POLR2F: variants seen among roughly 807,000 people sequenced by gnomAD.
POLR2F encodes the protein RNA polymerase II, I and III subunit F, also known as DNA-directed RNA polymerases I, II, and III subunit RPABC2.
POLR2F carries 12 observed loss-of-function variants against 22.7 expected under a neutral mutation model. The ratio of observed to expected loss-of-function variants is 0.53; its 90% CI spans 0.34 to 0.86. POLR2F has a LOEUF of 0.86. Among genes scored for constraint, POLR2F ranks in the 40% least tolerant of loss-of-function variants. The pLI is 0.02. For missense variants in POLR2F, 126 were observed against 171.5 expected, an observed-to-expected ratio of 0.73 and a Z score of 1.48; for synonymous variants, 57 against 66.0, an observed-to-expected ratio of 0.86 and a Z score of 0.66.
At chr22:37,972,308 C>T (rs1168226001), downstream of POLR2F, 3 of 1,194,796 alleles carry the variant, frequency 2.5e-6, no homozygotes, top group Non-Finnish European at 3.4e-6. Context: ...GCTCACCAAG[C>T]AGGTAACCGG....
chr22:38,000,112 C>T (rs1198407552), intron 1 of POLR2F, among the ~76,000 whole-genome samples: 2 of 152,226 alleles, frequency 1.3e-5, no homozygotes, highest in African/African-American at 2.4e-5. Flanking sequence ...CCTGCTGGTC[C>T]TGCCGGAACA....
chr22:37,971,713 A>G (rs1211168715), downstream of POLR2F, among the ~76,000 whole-genome samples: 1 of 152,070 alleles, frequency 6.6e-6, no homozygotes, highest in Non-Finnish European at 1.5e-5. Context: ...CTATCCACAC[A>G]TCCTGAAGGA....
At position 38,016,984 on chromosome 22, in the gene POLR2F, G is replaced by A. The variant is rs1362113639; in HGVS notation, c.121-8885G>A. 2.6e-5 allele frequency among the ~76,000 whole-genome samples: 4 copies of A among 152,146 alleles called. No individual in the cohort carries two copies. Among genetic ancestry groups the A allele is most frequent in the African/African-American group, 9.7e-5 (4 of 41,428 alleles). On this transcript the variant is annotated intron_variant, in intron 1 of 2. Transcript: ENST00000333418. The surrounding 1 kb of genome is among the most constrained non-coding windows in gnomAD (Gnocchi z 4.4). ...ATGGAGCCAGGCCGGGGTGCCGGGGGGCAGCGCAAGGGGCCAGCCAGCCCC... is the reference window on the plus strand; with the variant it reads ...ATGGAGCCAGGCCGGGGTGCCGGGGAGCAGCGCAAGGGGCCAGCCAGCCCC...
chr22:38,015,907 C>T (rs911816409), intron 1 of POLR2F, among the ~76,000 whole-genome samples: 6 of 152,192 alleles, frequency 3.9e-5, no homozygotes, highest in Middle Eastern at 3.4e-3. Context: ...TCATAAGTGG[C>T]GGTGGGGGTG....
intron 5 of POLR2F, among the ~76,000 whole-genome samples, chr22:38,038,293 G>A (rs556017672): frequency 6.6e-6 from 1 of 152,328 alleles, no homozygotes; most frequent in South Asian, 2.1e-4. Context: ...GCCAGAGGAT[G>A]TGAGGATTCA....
chr22:37,964,110 TAAA>T (rs112506177), intron 3 of POLR2F, among the ~76,000 whole-genome samples: 6 of 140,144 alleles, frequency 4.3e-5, no homozygotes, highest in African/African-American at 1.6e-4. Flanking sequence ...CAAAAATAAT[TAAA>T]AAAAAAAAAA....
At chr22:37,970,439 TA>T (rs139882), downstream of POLR2F, among the ~76,000 whole-genome samples, 166 of 128,880 alleles carry the variant, frequency 1.3e-3, 1 homozygote, top group Middle Eastern at 4.1e-3. Flanking sequence ...TGTCTCTACT[TA>T]AAAAAAAAAA....
upstream of POLR2F, among the ~76,000 whole-genome samples, chr22:37,983,088 G>A (rs1432016262): frequency 6.6e-6 from 1 of 152,168 alleles, no homozygotes; most frequent in Admixed American, 6.5e-5. This position sits in a 1 kb window ranked among gnomAD's most constrained non-coding sequence, Gnocchi z 9.5. Context: ...CAGGCCCCAC[G>A]GTCTGCCACC....
chr22:38,008,937 G>A (rs1424022246), intron 1 of POLR2F, among the ~76,000 whole-genome samples: 1 of 152,210 alleles, frequency 6.6e-6, no homozygotes, highest in Admixed American at 6.5e-5. Context: ...AGTGGAGCAG[G>A]GAAAGGGGTG....
downstream of POLR2F, chr22:37,971,403 G>C (rs1030101191): frequency 2.3e-5 from 10 of 432,746 alleles, no homozygotes; most frequent in Admixed American, 2.3e-4. Context: ...AAGCTGTTAT[G>C]AGCTGGGTAT....
chr22:37,998,946 AC>A (rs1192165108), intron 1 of POLR2F, among the ~76,000 whole-genome samples: 1 of 150,896 alleles, frequency 6.6e-6, no homozygotes, highest in Non-Finnish European at 1.5e-5. Context: ...TGGTAGGAGG[AC>A]CCGCCGCCCC....
chr22:37,956,112 G>A (rs555782796), intron 1 of POLR2F, among the ~76,000 whole-genome samples: 94 of 149,188 alleles, frequency 6.3e-4, no homozygotes, highest in African/African-American at 2.2e-3. Context: ...GTTTTGAGAC[G>A]GAGTTTCACT....
downstream of POLR2F, chr22:37,969,397 T>C: frequency 1.2e-6 from 1 of 854,236 alleles, no homozygotes; most frequent in Non-Finnish European, 1.4e-6. Flanking sequence ...CAAGTGGAGC[T>C]CCTGCCTTCC....
intron 5 of POLR2F, among the ~76,000 whole-genome samples, chr22:38,038,530 C>T (rs2085138465): frequency 6.6e-6 from 1 of 152,128 alleles, no homozygotes; most frequent in Non-Finnish European, 1.5e-5. Context: ...TGAGTGTGCC[C>T]TCGCTCCTCC....
downstream of POLR2F, among the ~76,000 whole-genome samples, chr22:38,028,776 T>C (rs1296818178): frequency 6.6e-6 from 1 of 151,808 alleles, no homozygotes; most frequent in Non-Finnish European, 1.5e-5. Context: ...CTGAGTGAAA[T>C]AGGCAGAGAA....
Position 37,969,098 on chromosome 22 carries a change from G to A in POLR2F, c.*1383G>A. The A allele has an allele frequency of 1.0e-6, 1 of 985,498 alleles. No homozygotes were observed. Among genetic ancestry groups the A allele is most frequent in the Non-Finnish European group, 1.2e-6 (1 of 829,976 alleles). 61.0% of individuals were successfully genotyped at this position (985,498 alleles called of 1,614,324 possible). A position where few individuals can be genotyped will look rare whatever the true frequency, so the allele number is the denominator to read the frequency against. ...TCTTTGTTCCCTGCTGGGCTGCTCAGTATCAGATGTGATTAAAGGGAGATG... is the reference window on the plus strand; with the variant it reads ...TCTTTGTTCCCTGCTGGGCTGCTCAATATCAGATGTGATTAAAGGGAGATG... On this transcript the variant is annotated 3_prime_UTR_variant, in exon 5 of 5. Transcript: ENST00000442738.
chr22:37,999,249 A>G (rs1444875316), intron 1 of POLR2F, among the ~76,000 whole-genome samples: 3 of 152,072 alleles, frequency 2.0e-5, no homozygotes, highest in Non-Finnish European at 4.4e-5. Context: ...CTGTCCCAGG[A>G]TCCAGGAGCC....
chr22:37,985,992 G>C (rs1016938307), upstream of POLR2F: 2 of 1,190,448 alleles, frequency 1.7e-6, no homozygotes, highest in Admixed American at 3.4e-5. Flanking sequence ...TTTCCTCGAC[G>C]CCACCCCCGG....
At chr22:38,002,811 C>T (rs547385288) in intron 1 of POLR2F, among the ~76,000 whole-genome samples, 4 of 151,416 alleles carry the variant, frequency 2.6e-5, no homozygotes, top group South Asian at 4.2e-4. Context: ...CTGCAAGCTC[C>T]GCCTCCTGGG....
Sources: gnomAD v4.1 joint callset for allele counts (sites outside exome capture counted in the v4.1 genomes callset) on GRCh38, gnomAD v4.1.1 for gene constraint, Gnocchi (gnomAD v3.1) non-coding constraint, MANE v1.5 for transcripts, NCBI Gene and HGNC (gene_info 2026-07-23, HGNC 2026-07-21) for gene names.